NRG3: variants seen among roughly 807,000 people sequenced by gnomAD.
NRG3 encodes pro-neuregulin-3, membrane-bound isoform.
NRG3 carries 31 observed loss-of-function variants against 66.9 expected under a neutral mutation model. That is an observed-to-expected ratio of 0.46 (90% confidence interval 0.35 to 0.63). NRG3 has a LOEUF of 0.63. NRG3 is among the 20% of genes least tolerant of loss of function. The pLI, the probability that NRG3 is intolerant of heterozygous loss-of-function variation, is 0.00. For synonymous variants in NRG3, 393 were observed against 359.4 expected, an observed-to-expected ratio of 1.09 and a Z score of -1.06; for missense variants, 910 against 878.9, an observed-to-expected ratio of 1.04 and a Z score of -0.45.
intron 2 of NRG3, among the ~76,000 whole-genome samples, chr10:82,517,493 C>T (rs1168937966): frequency 3.9e-5 from 6 of 152,092 alleles, no homozygotes; most frequent in Non-Finnish European, 5.9e-5. Context: ...CGGCTGTAGT[C>T]ACTGATGGGT....
intron 1 of NRG3, among the ~76,000 whole-genome samples, chr10:82,058,457 C>T (rs757522154): frequency 1.8e-4 from 28 of 151,588 alleles, no homozygotes; most frequent in Non-Finnish European, 2.5e-4. Context: ...ATATTTTCAA[C>T]GACCCGTTTC....
In NRG3 at chr10:82,769,418, G is replaced by A. The variant is rs374023477; in HGVS notation, c.1027+30768G>A. On this transcript the variant is annotated intron_variant, in intron 3 of 8. Coordinates refer to ENST00000372141, the MANE Select transcript of NRG3 (RefSeq NM_001010848.4). ...AAAATTTGTATTTTAATGGATTCTG[G>A]GCTGAATTATGACTGTCGATTTTAA... 9.7e-4 allele frequency among the ~76,000 whole-genome samples: 147 copies of A among 151,916 alleles called. No individual in the cohort carries two copies. In the Middle Eastern group the frequency reaches 0.014, roughly 14 times the overall value.
chr10:82,391,676 G>A (rs962467690), intron 2 of NRG3, among the ~76,000 whole-genome samples: 5 of 152,084 alleles, frequency 3.3e-5, no homozygotes, highest in African/African-American at 1.2e-4. Context: ...TGCCCAAGGG[G>A]ATAAACTTTT....
At position 82,985,291 on chromosome 10, in the gene NRG3, T is replaced by G; in HGVS notation, c.1777T>G (p.Ser593Ala). Reference sequence around the variant, plus strand: ...AACCTGCCTGCAAATGCCAGGGATTTCTGAAGTCAAAAGCATCAAATGGTG... The same window carrying G: ...AACCTGCCTGCAAATGCCAGGGATTGCTGAAGTCAAAAGCATCAAATGGTG... ...EETCLQMPGI[S>A]EVKSIKWCKN... The change falls in exon 9 of 9, where the codon TCT becomes GCT. Residue 593 changes from serine (S) to alanine (A), a missense_variant. Transcript: ENST00000372141. The G allele has an allele frequency of 6.2e-7, 1 of 1,614,186 alleles. No homozygotes were observed. The highest frequency in any genetic ancestry group is 8.5e-7 in the Non-Finnish European group (1 of 1,180,018).
intron 2 of NRG3, among the ~76,000 whole-genome samples, chr10:82,520,859 G>A (rs965101202): frequency 2.0e-5 from 3 of 152,058 alleles, no homozygotes; most frequent in African/African-American, 7.2e-5. Context: ...TATAAACTCC[G>A]AAATTGTTTG....
At chr10:82,393,718 G>A (rs2086539265) in intron 2 of NRG3, among the ~76,000 whole-genome samples, 1 of 152,154 alleles carries the variant, frequency 6.6e-6, no homozygotes, top group Non-Finnish European at 1.5e-5. Flanking sequence ...AGCAGCATAT[G>A]CATGGCAACT....
chr10:82,907,064 T>A lies in NRG3; in HGVS notation c.1054+41627T>A, dbSNP rs555233288. On this transcript the variant is annotated intron_variant, in intron 4 of 8. Coordinates refer to ENST00000372141, the MANE Select transcript of NRG3 (RefSeq NM_001010848.4). ...AAACTGATTTGGGTTAGCAGTCCTA[T>A]TATTCTCAGTTGCCCAGAGAATGAA... Among the ~76,000 whole-genome samples, 8 of 152,294 alleles carry A rather than the reference T, an allele frequency of 5.3e-5. No homozygotes were observed. In the East Asian group the frequency reaches 1.5e-3, roughly 29 times the overall value.
chr10:81,895,153 T>C (rs1194087986), intron 1 of NRG3, among the ~76,000 whole-genome samples: 1 of 152,134 alleles, frequency 6.6e-6, no homozygotes, highest in African/African-American at 2.4e-5. Context: ...TTCCCTAGCA[T>C]ATTGCTAACA....
chr10:82,316,073 A>C (rs1010870586), intron 1 of NRG3, among the ~76,000 whole-genome samples: 28 of 151,970 alleles, frequency 1.8e-4, no homozygotes, highest in Non-Finnish European at 2.6e-4. Flanking sequence ...TAGTGTGAGA[A>C]CCTGGTGCTG....
chr10:82,456,015 AC>A (rs1293918530), intron 2 of NRG3, among the ~76,000 whole-genome samples: 1 of 152,102 alleles, frequency 6.6e-6, no homozygotes, highest in East Asian at 1.9e-4. Context: ...AAATTGTTTC[AC>A]TTTTTGCCTC....
At chr10:82,311,380 C>T (rs2134978994) in intron 1 of NRG3, among the ~76,000 whole-genome samples, 1 of 152,270 alleles carries the variant, frequency 6.6e-6, no homozygotes, top group South Asian at 2.1e-4. Context: ...AATGTTATGA[C>T]CTCTTCTCTT....
At chr10:82,369,549 C>A (rs1014686735) in intron 2 of NRG3, among the ~76,000 whole-genome samples, 1 of 138,234 alleles carries the variant, frequency 7.2e-6, no homozygotes, top group South Asian at 2.1e-4. Flanking sequence ...ATCCTCCTTC[C>A]TTGGCTTCCC....
intron 3 of NRG3, among the ~76,000 whole-genome samples, chr10:82,811,065 C>T (rs1324194165): frequency 1.3e-5 from 2 of 152,122 alleles, no homozygotes; most frequent in Non-Finnish European, 2.9e-5. Context: ...CTGAAATTCA[C>T]TTTTTCACTG....
chr10:82,565,993 A>G (rs917834043), intron 2 of NRG3, among the ~76,000 whole-genome samples: 1 of 152,080 alleles, frequency 6.6e-6, no homozygotes, highest in East Asian at 1.9e-4. Context: ...CATAGAGATG[A>G]TTGAGCAGTT....
intron 2 of NRG3, among the ~76,000 whole-genome samples, chr10:82,417,687 T>G (rs2136207772): frequency 6.6e-6 from 1 of 152,278 alleles, no homozygotes; most frequent in East Asian, 1.9e-4. Flanking sequence ...TCCCAGAATG[T>G]TCACAGTCAG....
rs1674348222 is a variant in NRG3 at position 82,711,353 on chromosome 10, C to T, written c.954-27224C>T. 5.3e-5 allele frequency among the ~76,000 whole-genome samples: 8 copies of T among 152,058 alleles called. No homozygotes were observed. In the South Asian group the frequency reaches 1.7e-3, roughly 31 times the overall value. On this transcript the variant is annotated intron_variant, in intron 2 of 8. Coordinates refer to ENST00000372141, the MANE Select transcript of NRG3 (RefSeq NM_001010848.4). The stretch of plus-strand genomic sequence containing the variant: ...CCTCTCACCTTTGCCTCCTAAAGTG[C>T]TGGGAGTACATGCATGAGCCACTAT...
chr10:82,542,387 G>A (rs766236426), intron 2 of NRG3, among the ~76,000 whole-genome samples: 4 of 152,100 alleles, frequency 2.6e-5, no homozygotes, highest in Non-Finnish European at 4.4e-5. Flanking sequence ...AATTTATCAG[G>A]CATCCCACTA....
At chr10:81,985,141 A>G (rs1255518811) in intron 1 of NRG3, among the ~76,000 whole-genome samples, 1 of 152,220 alleles carries the variant, frequency 6.6e-6, no homozygotes, top group African/African-American at 2.4e-5. Flanking sequence ...TTTCATGTTA[A>G]TTCACTAAAC....
At chr10:82,012,478 G>T (rs1231171661) in intron 1 of NRG3, among the ~76,000 whole-genome samples, 1 of 150,260 alleles carries the variant, frequency 6.7e-6, no homozygotes, top group Non-Finnish European at 1.5e-5. Context: ...TATTTATGCA[G>T]ATTTCTCAGC....
Sources: allele counts gnomAD v4.1 joint callset (sites outside exome capture counted in the v4.1 genomes callset), GRCh38; gene constraint gnomAD v4.1.1; transcripts MANE v1.5; gene names NCBI Gene and HGNC (gene_info 2026-07-23, HGNC 2026-07-21).